RAPGEF4: variants seen among roughly 807,000 people sequenced by gnomAD.
The protein encoded by RAPGEF4 is RAP guanine-nucleotide-exchange factor (GEF) 4.
In RAPGEF4, 66 loss-of-function variants were observed where a neutral mutation model predicts 147.9. That is an observed-to-expected ratio of 0.45 (90% confidence interval 0.37 to 0.55). The LOEUF (loss-of-function observed/expected upper bound fraction) is 0.55. Among genes scored for constraint, RAPGEF4 ranks in the 20% least tolerant of loss-of-function variants. The pLI is 0.00. For synonymous variants in RAPGEF4, 419 were observed against 442.7 expected (o/e 0.95, Z 0.67); for missense variants, 1,071 against 1,257.3 (o/e 0.85, Z 2.24).
chr2:172,788,238 CACA>C (rs1685436393), intron 1 of RAPGEF4, among the ~76,000 whole-genome samples: 1 of 152,126 alleles, frequency 6.6e-6, no homozygotes, highest in African/African-American at 2.4e-5. Context: ...GGACTTAGGA[CACA>C]ACATTTAGAC....
intron 18 of RAPGEF4, among the ~76,000 whole-genome samples, chr2:173,015,630 C>T: frequency 6.6e-6 from 1 of 152,192 alleles, no homozygotes. Flanking sequence ...CCGCTGAGTA[C>T]AGGACCATTT....
At chr2:172,846,779 A>C (rs1307207000) in intron 4 of RAPGEF4, among the ~76,000 whole-genome samples, 2 of 152,220 alleles carry the variant, frequency 1.3e-5, no homozygotes, top group African/African-American at 4.8e-5. Context: ...GGTGGGTCAC[A>C]GGAGCAGACA....
chr2:172,916,918 G>A (rs1684134293), intron 4 of RAPGEF4, among the ~76,000 whole-genome samples: 1 of 152,156 alleles, frequency 6.6e-6, no homozygotes, highest in South Asian at 2.1e-4. Context: ...ATGTGTCATC[G>A]TAATTATAAA....
At chr2:173,039,454 C>T (rs1040260296) in intron 29 of RAPGEF4, among the ~76,000 whole-genome samples, 1 of 150,282 alleles carries the variant, frequency 6.7e-6, no homozygotes, top group South Asian at 2.1e-4. Flanking sequence ...GACAGCGAGA[C>T]TCTGTCTCAA....
At chr2:172,973,750 A>C (rs1042055507) in intron 10 of RAPGEF4, among the ~76,000 whole-genome samples, 7 of 152,196 alleles carry the variant, frequency 4.6e-5, no homozygotes, top group Non-Finnish European at 1.0e-4. Context: ...CTATCTCCAG[A>C]GAATAGACTG....
intron 1 of RAPGEF4, among the ~76,000 whole-genome samples, chr2:172,781,178 G>A (rs1246497344): frequency 6.6e-6 from 1 of 152,162 alleles, no homozygotes; most frequent in Non-Finnish European, 1.5e-5. Context: ...CAAAGGAAGT[G>A]TCAACTGAAG....
chr2:172,789,670 T>C (rs1207367095), intron 1 of RAPGEF4, among the ~76,000 whole-genome samples: 1 of 152,332 alleles, frequency 6.6e-6, no homozygotes, highest in African/African-American at 2.4e-5. Context: ...TTTTATTCTA[T>C]GAATTTGACT....
At chr2:172,749,407 C>T (rs1482108580) in intron 1 of RAPGEF4, among the ~76,000 whole-genome samples, 1 of 152,242 alleles carries the variant, frequency 6.6e-6, no homozygotes, top group East Asian at 1.9e-4. Context: ...CATGTGGAAG[C>T]TGCCAAGGCT....
At chr2:172,928,306 A>C (rs1445654953) in intron 6 of RAPGEF4, 9 of 436,346 alleles carry the variant, frequency 2.1e-5, no homozygotes, top group Non-Finnish European at 4.1e-5. Context: ...CAACTCTTAC[A>C]AAAGCTAGCC....
At chr2:172,832,395 A>C (rs1316838563) in intron 4 of RAPGEF4, among the ~76,000 whole-genome samples, 1 of 152,254 alleles carries the variant, frequency 6.6e-6, no homozygotes, top group Non-Finnish European at 1.5e-5. Context: ...GCCCAGTGCG[A>C]AATAAAAATA....
intron 4 of RAPGEF4, among the ~76,000 whole-genome samples, chr2:172,864,890 G>A (rs536401485): frequency 3.3e-5 from 5 of 152,332 alleles, no homozygotes; most frequent in Admixed American, 2.6e-4. Context: ...GGGCCATGGA[G>A]TTAGACTCTG....
intron 1 of RAPGEF4, among the ~76,000 whole-genome samples, chr2:172,785,100 C>T (rs1400076249): frequency 6.6e-6 from 1 of 152,246 alleles, no homozygotes; most frequent in East Asian, 1.9e-4. Context: ...GCTGGGATTA[C>T]AGGCGTGAGC....
chr2:172,994,641 T>G (rs1411630433), intron 15 of RAPGEF4, among the ~76,000 whole-genome samples: 11 of 152,244 alleles, frequency 7.2e-5, no homozygotes, highest in Non-Finnish European at 1.5e-4. Flanking sequence ...CCAACGCTAC[T>G]CTTCTTCCAG....
intron 3 of RAPGEF4, among the ~76,000 whole-genome samples, chr2:172,811,845 A>T (rs1688054143): frequency 6.6e-6 from 1 of 152,196 alleles, no homozygotes; most frequent in Non-Finnish European, 1.5e-5. Context: ...TTTGGATGTC[A>T]ATTTCTTTAT....
Position 172,988,379 on chromosome 2 carries a change from CTAGATG to C in RAPGEF4, c.1227+112_1227+117del, listed in dbSNP as rs1161828124. On this transcript the variant is annotated intron_variant, in intron 13 of 30. Transcript: ENST00000397081. ...AATTAAATTTGCAACAACATTGCTC[CTAGATG>C]TAGAAAAGACATTATTGTATCTTTA... 5 of 1,463,726 alleles carry C rather than the reference CTAGATG, an allele frequency of 3.4e-6. No individual in the cohort carries two copies. The African/African-American group carries it at 7.1e-5, about 21-fold the overall frequency. The allele number at this position is 1,463,726 out of a possible 1,614,324, so 90.7% of individuals were successfully genotyped here. A position where few individuals can be genotyped will look rare whatever the true frequency, so the allele number is the denominator to read the frequency against.
In RAPGEF4 at chr2:172,756,657, C is replaced by T. The variant is rs73979545; in HGVS notation, c.65+20609C>T. ...AGGACAGACACCTTGTTTCCCACAC[C>T]TGGAGGTGGTCACAGGATGGTAGGG... On this transcript the variant is annotated intron_variant, in intron 1 of 30. Transcript: ENST00000397081. 7.0e-3 allele frequency among the ~76,000 whole-genome samples: 1,061 copies of T among 152,254 alleles called. 15 individuals carry two copies. The highest frequency in any genetic ancestry group is 0.024 in the African/African-American group (993 of 41,532).
At chr2:172,863,819 C>T (rs1484892053) in intron 4 of RAPGEF4, among the ~76,000 whole-genome samples, 2 of 152,130 alleles carry the variant, frequency 1.3e-5, no homozygotes, top group African/African-American at 4.8e-5. Flanking sequence ...CAAAAGTCTA[C>T]CCAACCCACC....
At chr2:172,843,050 T>C (rs1305421205) in intron 4 of RAPGEF4, among the ~76,000 whole-genome samples, 2 of 152,328 alleles carry the variant, frequency 1.3e-5, no homozygotes, top group East Asian at 1.9e-4. Flanking sequence ...AAGTTTTTGA[T>C]GTAATCACAG....
At chr2:172,950,782 G>A (rs1046172312) in intron 6 of RAPGEF4, among the ~76,000 whole-genome samples, 2 of 152,192 alleles carry the variant, frequency 1.3e-5, no homozygotes, top group Non-Finnish European at 2.9e-5. Context: ...TCCTTTAACT[G>A]GAAAACATAT....
Sources: gnomAD v4.1 joint callset for allele counts (sites outside exome capture counted in the v4.1 genomes callset) on GRCh38, gnomAD v4.1.1 for gene constraint, MANE v1.5 for transcripts, NCBI Gene and HGNC (gene_info 2026-07-23, HGNC 2026-07-21) for gene names.